Variants in GABRB1 observed in about 807,000 individuals in gnomAD.
GABRB1 encodes gamma-aminobutyric acid receptor subunit beta-1.
Under a neutral mutation model 51.6 loss-of-function variants are expected in GABRB1, and 17 were observed. The ratio of observed to expected loss-of-function variants is 0.33; its 90% CI spans 0.23 to 0.49. The LOEUF (loss-of-function observed/expected upper bound fraction) is 0.49, where lower values mean the gene tolerates loss of function less well. Among genes scored for constraint, GABRB1 ranks in the 20% least tolerant of loss-of-function variants. GABRB1 has a pLI of 0.99. For missense variants in GABRB1, 410 were observed against 600.6 expected (o/e 0.68, Z 3.32); for synonymous variants, 247 against 218.9 (o/e 1.13, Z -1.14).
chr4:47,387,757 G>T (rs1322391992), intron 5 of GABRB1, among the ~76,000 whole-genome samples: 1 of 152,190 alleles, frequency 6.6e-6, no homozygotes, highest in Non-Finnish European at 1.5e-5. Flanking sequence ...GAGGAGGTCA[G>T]AACAGGGTTG....
chr4:47,169,782 A>G (rs1220121753), intron 4 of GABRB1, among the ~76,000 whole-genome samples: 3 of 152,122 alleles, frequency 2.0e-5, no homozygotes, highest in Non-Finnish European at 4.4e-5. Flanking sequence ...GATTACAGGC[A>G]TGAGCCACCG....
intron 4 of GABRB1, among the ~76,000 whole-genome samples, chr4:47,161,762 C>T (rs1717962982): frequency 6.6e-6 from 1 of 151,992 alleles, no homozygotes; most frequent in African/African-American, 2.4e-5. Context: ...CACCTTTAGT[C>T]ATTCTTTTGA....
chr4:47,327,253 G>A (rs558682949), intron 5 of GABRB1, among the ~76,000 whole-genome samples: 5 of 152,090 alleles, frequency 3.3e-5, no homozygotes, highest in African/African-American at 1.2e-4. Context: ...CTATCTGGGA[G>A]GTTGAGCTGG....
intron 3 of GABRB1, among the ~76,000 whole-genome samples, chr4:47,156,518 C>T (rs115889439): frequency 1.3e-5 from 2 of 152,048 alleles, no homozygotes; most frequent in African/African-American, 2.4e-5. Context: ...TCAGTCACTG[C>T]TAAATGTACC....
intron 5 of GABRB1, among the ~76,000 whole-genome samples, chr4:47,383,277 C>A (rs982226803): frequency 2.6e-5 from 4 of 152,058 alleles, no homozygotes; most frequent in African/African-American, 7.2e-5. Context: ...AAAGAAAATC[C>A]ACTATTTTCT....
Position 47,406,900 on chromosome 4 carries a change from A to T in GABRB1, c.1054A>T (p.Asn352Tyr). 6.2e-7 allele frequency: 1 copy of T among 1,614,066 alleles called. No individual in the cohort carries two copies. The highest frequency in any genetic ancestry group is 8.5e-7 in the Non-Finnish European group (1 of 1,179,976). Residue 352 changes from asparagine to tyrosine, a missense_variant, in exon 8 of 9, where the codon AAT becomes TAT. Asn to Tyr is a moderately radical substitution (Grantham distance 143). This residue lies in a region of GABRB1 where 181 missense variants were observed against 195.6 expected (regional missense o/e 0.93). Coordinates refer to ENST00000295454, the MANE Select transcript of GABRB1 (RefSeq NM_000812.4). ...ACAAGACCAGAGTGCCAATGAGAAGAATAAACTGGAGATGAATAAAGTCCA... is the reference window on the plus strand; with the variant it reads ...ACAAGACCAGAGTGCCAATGAGAAGTATAAACTGGAGATGAATAAAGTCCA... ...SKQDQSANEK[N>Y]KLEMNKVQVD...
At chr4:47,172,772 G>A (rs1718497328) in intron 4 of GABRB1, among the ~76,000 whole-genome samples, 1 of 150,838 alleles carries the variant, frequency 6.6e-6, no homozygotes, top group African/African-American at 2.4e-5. Flanking sequence ...CTCCCATGTA[G>A]CTGGGATTAC....
rs955095809 is a variant in GABRB1, at chr4:47,361,212, G to A, written c.544+41003G>A. On this transcript the variant is annotated intron_variant, in intron 5 of 8. Coordinates refer to ENST00000295454, the MANE Select transcript of GABRB1 (RefSeq NM_000812.4). Reference sequence around the variant, plus strand: ...AAAACAACTAAAAAAGGAGGTCAAGGAAACCGCAATGATGTTCCTGGCCGT... The same window carrying A: ...AAAACAACTAAAAAAGGAGGTCAAGAAAACCGCAATGATGTTCCTGGCCGT... Among the ~76,000 whole-genome samples the A allele has an allele frequency of 5.3e-5, 8 of 152,182 alleles. No individual in the cohort carries two copies. In the South Asian group the frequency reaches 1.4e-3, roughly 28 times the overall value.
chr4:47,120,893 A>G (rs897144797), intron 3 of GABRB1, among the ~76,000 whole-genome samples: 1 of 152,070 alleles, frequency 6.6e-6, no homozygotes, highest in Non-Finnish European at 1.5e-5. Context: ...CTGAAGCAGA[A>G]GAAAGGAGAC....
intron 4 of GABRB1, among the ~76,000 whole-genome samples, chr4:47,169,791 C>T (rs775807375): frequency 6.6e-6 from 1 of 152,162 alleles, no homozygotes; most frequent in Non-Finnish European, 1.5e-5. Context: ...CATGAGCCAC[C>T]GTGCCCGGCC....
rs368849250 is a variant in GABRB1 at position 46,997,952 on chromosome 4, T to G, written c.-20+4026T>G. On this transcript the variant is annotated intron_variant, in intron 1 of 3. Transcript: ENST00000513567. Reference sequence around the variant, plus strand: ...TTGGGTGTATGTTCAGAAGAGGGATTGCTAGGTCATCTGATGGTGCTATGT... The same window carrying G: ...TTGGGTGTATGTTCAGAAGAGGGATGGCTAGGTCATCTGATGGTGCTATGT... Among the ~76,000 whole-genome samples, 6 of 152,336 alleles carry G rather than the reference T, an allele frequency of 3.9e-5. No individual in the cohort carries two copies. The East Asian group carries it at 1.2e-3, about 29-fold the overall frequency.
chr4:47,039,348 A>G (rs1725730448), intron 3 of GABRB1, among the ~76,000 whole-genome samples: 1 of 146,552 alleles, frequency 6.8e-6, no homozygotes, highest in Admixed American at 7.1e-5. Context: ...ACTCAAGCAG[A>G]AAAGAAAATA....
chr4:47,037,879 C>T (rs1299179193), intron 3 of GABRB1, among the ~76,000 whole-genome samples: 2 of 152,120 alleles, frequency 1.3e-5, no homozygotes, highest in African/African-American at 2.4e-5. Context: ...AGAAGTTACA[C>T]AGCTAGTGAA....
intron 3 of GABRB1, among the ~76,000 whole-genome samples, chr4:47,156,199 C>G (rs1303404202): frequency 6.6e-6 from 1 of 151,718 alleles, no homozygotes. Flanking sequence ...TACAAGGGTT[C>G]CCTTTTCTCC....
chr4:47,202,757 T>C (rs1326902104), intron 4 of GABRB1, among the ~76,000 whole-genome samples: 4 of 152,102 alleles, frequency 2.6e-5, no homozygotes, highest in Admixed American at 2.6e-4. Flanking sequence ...AAATAATAAT[T>C]CTTTCCCAGT....
At chr4:47,304,290 C>A (rs183270780) in intron 4 of GABRB1, among the ~76,000 whole-genome samples, 51 of 152,156 alleles carry the variant, frequency 3.4e-4, no homozygotes, top group Admixed American at 2.2e-3. Context: ...TTCCCCACAA[C>A]TCACCAACAT....
chr4:47,097,547 A>T (rs1210835413), intron 3 of GABRB1, among the ~76,000 whole-genome samples: 2 of 152,102 alleles, frequency 1.3e-5, no homozygotes, highest in African/African-American at 4.8e-5. Flanking sequence ...TCTATTTTAC[A>T]TATTTATATG....
chr4:47,036,957 T>G (rs1725601904), intron 3 of GABRB1, among the ~76,000 whole-genome samples: 1 of 152,184 alleles, frequency 6.6e-6, no homozygotes, highest in Non-Finnish European at 1.5e-5. Context: ...TGTTATTATT[T>G]AAGTTGCAGG....
Position 47,297,205 on chromosome 4 carries a change from A to G in GABRB1, c.462-22922A>G, listed in dbSNP as rs567050002. The stretch of plus-strand genomic sequence containing the variant: ...TAACATCACAATTAAAAGAACTAGA[A>G]AAGCAAGAGCAAACACATTCAAAAG... On this transcript the variant is annotated intron_variant, in intron 4 of 8. Coordinates refer to ENST00000295454, the MANE Select transcript of GABRB1 (RefSeq NM_000812.4). 4.6e-5 allele frequency among the ~76,000 whole-genome samples: 7 copies of G among 150,702 alleles called. No homozygotes were observed. The South Asian group carries it at 1.3e-3, about 27-fold the overall frequency.
Sources: allele counts gnomAD v4.1 joint callset (sites outside exome capture counted in the v4.1 genomes callset), GRCh38; gene constraint gnomAD v4.1.1; regional missense constraint gnomAD v4.1.1; transcripts MANE v1.5; gene names NCBI Gene and HGNC (gene_info 2026-07-23, HGNC 2026-07-21).